Variants in CCDC47 observed in about 807,000 individuals in gnomAD.
CCDC47 encodes the protein PAT complex subunit CCDC47.
Under a neutral mutation model 60.5 loss-of-function variants are expected in CCDC47, and 41 were observed. That is an observed-to-expected ratio of 0.68 (90% CI 0.53 to 0.88). CCDC47 has a LOEUF of 0.88. CCDC47 is among the 40% of genes least tolerant of loss of function. The probability of loss-of-function intolerance (pLI) is 0.00; values close to 1 mark genes in which losing one functional copy is unlikely to be tolerated. For synonymous variants in CCDC47, 195 were observed against 190.7 expected (o/e 1.02, Z -0.18); for missense variants, 513 against 580.9 (o/e 0.88, Z 1.20).
chr17:63,764,281 A>T (rs1165732999), intron 3 of CCDC47, 91 bp from the exon 4 acceptor site: 1 of 936,224 alleles, frequency 1.1e-6, no homozygotes, highest in Non-Finnish European at 1.6e-6. Context: ...ATCCATAAAC[A>T]GAAGGGATAC....
chr17:63,764,808 A>G lies in CCDC47; in HGVS notation c.304T>C (p.Phe102Leu). 1 of 1,613,402 alleles carries G rather than the reference A, an allele frequency of 6.2e-7. No homozygotes were observed. Among genetic ancestry groups the G allele is most frequent in the Non-Finnish European group, 8.5e-7 (1 of 1,179,846 alleles). ...TCTGGTTTGTCTTCATAACCTTCAA[A>G]TTCTTCATCATCATATGGTTCACTC... ...TESEPYDDEE[F>L]EGYEDKPDTS... Residue 102 changes from phenylalanine (F) to leucine (L), a missense_variant, in exon 3 of 13, where the codon TTT becomes CTT. Transcript: ENST00000225726.
rs1172358322 is a variant in CCDC47, at chr17:63,745,707, CT to C, written c.*1173del. 6.6e-6 allele frequency: 1 copy of C among 152,218 alleles called. No individual in the cohort carries two copies. Among genetic ancestry groups the C allele is most frequent in the Non-Finnish European group, 1.5e-5 (1 of 68,046 alleles). The allele number at this position is 152,218 out of a possible 1,614,324, so 9.4% of individuals were successfully genotyped here. On this transcript the variant is annotated 3_prime_UTR_variant, in exon 13 of 13. Transcript: ENST00000225726. ...CCCACTCCCACCAGAAAACCCAACCCTTACCCATCCCCGGCAAAAATTACCT... is the reference window on the plus strand; with the variant it reads ...CCCACTCCCACCAGAAAACCCAACCCTACCCATCCCCGGCAAAAATTACCT...
chr17:63,764,224 C>A, intron 3 of CCDC47, 34 bp from the exon 4 acceptor site: 1 of 1,504,756 alleles, frequency 6.6e-7, no homozygotes, highest in Non-Finnish European at 9.0e-7. Context: ...TAAATGTTGG[C>A]TGAGACTGAA....
chr17:63,763,375 A>C (rs2039274485), intron 4 of CCDC47, among the ~76,000 whole-genome samples: 2 of 152,252 alleles, frequency 1.3e-5, no homozygotes, highest in South Asian at 4.1e-4. Flanking sequence ...AAATACAAAA[A>C]TTAGCTGGGT....
rs1233384073 is a variant in CCDC47 at position 63,761,065 on chromosome 17, C to T, written c.670-86G>A. ...GGCCTTGAAGGAGAATCAAATGCTT[C>T]ATCAAATATACTTTACGACACATTT... On this transcript the variant is annotated intron_variant, in intron 5 of 12. Transcript: ENST00000225726. The T allele has an allele frequency of 7.3e-6, 10 of 1,371,948 alleles. No individual in the cohort carries two copies. The Admixed American group carries it at 9.1e-5, about 13-fold the overall frequency. The allele number at this position is 1,371,948 out of a possible 1,614,324, so 85.0% of individuals were successfully genotyped here.
At chr17:63,768,781 T>C (rs1326279751) in intron 1 of CCDC47, among the ~76,000 whole-genome samples, 1 of 150,182 alleles carries the variant, frequency 6.7e-6, no homozygotes, top group Non-Finnish European at 1.5e-5. Context: ...ACTTCCCCTC[T>C]ACAAAAAAGC....
intron 2 of CCDC47, chr17:63,765,120 C>CCACACACACACACACACACA (rs56697502): frequency 4.0e-5 from 6 of 150,094 alleles, no homozygotes; most frequent in African/African-American, 1.5e-4. Flanking sequence ...AGTATTCTCA[C>CCACACACACACACACACACA]CACACACACA....
intron 12 of CCDC47, among the ~76,000 whole-genome samples, chr17:63,751,064 G>C (rs1170065543): frequency 6.8e-6 from 1 of 147,820 alleles, no homozygotes; most frequent in Non-Finnish European, 1.5e-5. Flanking sequence ...TTTACTAGTA[G>C]AGACAAGGTC....
At chr17:63,771,054 AAG>A in intron 1 of CCDC47, among the ~76,000 whole-genome samples, 1 of 150,818 alleles carries the variant, frequency 6.6e-6, no homozygotes, top group East Asian at 1.9e-4. Flanking sequence ...GGAAGAAAGA[AAG>A]AAAGAAATTA....
chr17:63,751,917 C>A, intron 12 of CCDC47, 23 bp downstream of exon 12: 3 of 1,612,802 alleles, frequency 1.9e-6, no homozygotes, highest in Non-Finnish European at 2.5e-6. Flanking sequence ...CGTAGTTTTA[C>A]CCCAGTGATA....
chr17:63,765,412 C>T (rs2039290867), intron 2 of CCDC47, among the ~76,000 whole-genome samples: 2 of 152,128 alleles, frequency 1.3e-5, no homozygotes, highest in Admixed American at 6.5e-5. Flanking sequence ...TCAATCTCAG[C>T]TCACTGCAAC....
chr17:63,754,310 G>A (rs974989370), intron 9 of CCDC47, 123 bp downstream of exon 9: 1 of 667,836 alleles, frequency 1.5e-6, no homozygotes, highest in African/African-American at 1.8e-5. Context: ...AGGAAAATGT[G>A]GAGGCCTGTC....
chr17:63,764,669 A>C (rs1568251188), intron 3 of CCDC47, 71 bp downstream of exon 3: 2 of 1,350,854 alleles, frequency 1.5e-6, no homozygotes, highest in Non-Finnish European at 2.1e-6. Context: ...ATACATCATT[A>C]ATTTTATTTC....
chr17:63,766,030 G>C lies in CCDC47; in HGVS notation c.146C>G (p.Ser49Cys). The C allele has an allele frequency of 6.2e-7, 1 of 1,613,992 alleles. No homozygotes were observed. Among genetic ancestry groups the C allele is most frequent in the South Asian group, 1.1e-5 (1 of 91,076 alleles). Residue 49 changes from serine to cysteine, a missense_variant, in exon 2 of 13, where the codon TCT becomes TGT. Coordinates refer to ENST00000225726, the MANE Select transcript of CCDC47 (RefSeq NM_020198.3). Reference sequence around the variant, plus strand: ...GACCCGTTGAGGAGATTCAGTAACAGAGTCTTCCATGACATCCTCAAATTC... The same window carrying C: ...GACCCGTTGAGGAGATTCAGTAACACAGTCTTCCATGACATCCTCAAATTC... The part of the protein sequence containing the change: ...FAEFEDVMED[S>C]VTESPQRVII...
intron 1 of CCDC47, among the ~76,000 whole-genome samples, chr17:63,770,652 T>C (rs1459024078): frequency 6.6e-6 from 1 of 152,152 alleles, no homozygotes; most frequent in Non-Finnish European, 1.5e-5. Flanking sequence ...TCGAAGGTTA[T>C]TGTCGAATGC....
chr17:63,756,410 A>T, intron 7 of CCDC47, 59 bp downstream of exon 7: 1 of 1,573,142 alleles, frequency 6.4e-7, no homozygotes, highest in South Asian at 1.1e-5. Flanking sequence ...GAAGCTGAAT[A>T]TGTGTGTGCT....
At chr17:63,769,501 C>G (rs2039320551) in intron 1 of CCDC47, among the ~76,000 whole-genome samples, 1 of 150,786 alleles carries the variant, frequency 6.6e-6, no homozygotes, top group Non-Finnish European at 1.5e-5. Context: ...GTAATCCCAG[C>G]TACTTGGGAG....
At chr17:63,773,143 C>A (rs2039363819) in intron 1 of CCDC47, among the ~76,000 whole-genome samples, 1 of 152,202 alleles carries the variant, frequency 6.6e-6, no homozygotes, top group African/African-American at 2.4e-5. Flanking sequence ...AAGAGACTGG[C>A]CACAGAGGTT....
intron 12 of CCDC47, among the ~76,000 whole-genome samples, chr17:63,750,021 G>T (rs1381136713): frequency 1.3e-5 from 2 of 152,022 alleles, no homozygotes; most frequent in African/African-American, 4.8e-5. Flanking sequence ...GGTAGAGGGG[G>T]TTGGGTGGGT....
Sources: gnomAD v4.1 joint callset for allele counts (sites outside exome capture counted in the v4.1 genomes callset) on GRCh38, gnomAD v4.1.1 for gene constraint, MANE v1.5 for transcripts, NCBI Gene and HGNC (gene_info 2026-07-23, HGNC 2026-07-21) for gene names.